Variants in EHBP1 observed in about 807,000 individuals in gnomAD.
The protein encoded by EHBP1 is EH domain-binding protein 1.
EHBP1 carries 55 observed loss-of-function variants against 144.0 expected under a neutral mutation model. That is an observed-to-expected ratio of 0.38 (90% CI 0.31 to 0.48). The LOEUF (loss-of-function observed/expected upper bound fraction) is 0.48. Ranked by LOEUF, EHBP1 falls within the 20% of genes least tolerant of loss-of-function variation. The probability of loss-of-function intolerance (pLI) is 0.98; values close to 1 mark genes in which losing one functional copy is unlikely to be tolerated. For missense variants in EHBP1, 1,200 were observed against 1,364.2 expected (o/e 0.88, Z 1.90); for synonymous variants, 469 against 472.7 (o/e 0.99, Z 0.10).
chr2:62,926,933 C>T (rs1355890662), intron 10 of EHBP1, among the ~76,000 whole-genome samples: 1 of 152,082 alleles, frequency 6.6e-6, no homozygotes, highest in Non-Finnish European at 1.5e-5. Context: ...GATATAGACT[C>T]AACCTATTTG....
Position 62,954,438 on chromosome 2 carries a change from TC to T in EHBP1, c.2317-1077del, listed in dbSNP as rs2057572687. On this transcript the variant is annotated intron_variant, in intron 13 of 22. Transcript: ENST00000431489. ...TATTAAGTTAAGAATTTTTGTTTAA[TC>T]CTCTTAAAAATCTTTGGGTGATGAA... is the stretch of plus-strand genomic sequence containing the variant. 3.3e-5 allele frequency among the ~76,000 whole-genome samples: 5 copies of T among 152,338 alleles called. No individual in the cohort carries two copies. In the South Asian group the frequency reaches 1.0e-3, roughly 32 times the overall value.
intron 10 of EHBP1, among the ~76,000 whole-genome samples, chr2:62,883,834 C>T (rs1290873132): frequency 6.6e-6 from 1 of 152,100 alleles, no homozygotes; most frequent in Non-Finnish European, 1.5e-5. Flanking sequence ...AGCTGCGCAT[C>T]ATGGCTCACG....
intron 1 of EHBP1, among the ~76,000 whole-genome samples, chr2:62,688,265 C>T (rs977773948): frequency 6.6e-6 from 1 of 152,146 alleles, no homozygotes; most frequent in African/African-American, 2.4e-5. Context: ...ATACTCTACG[C>T]TCCCCTCAGA....
chr2:62,988,331 G>A (rs1438752040), intron 15 of EHBP1, among the ~76,000 whole-genome samples: 1 of 152,012 alleles, frequency 6.6e-6, no homozygotes, highest in Non-Finnish European at 1.5e-5. Context: ...TCAATAGCTG[G>A]TTCCCTTCTC....
chr2:62,960,863 C>G (rs1418449690), intron 14 of EHBP1, among the ~76,000 whole-genome samples: 1 of 152,154 alleles, frequency 6.6e-6, no homozygotes, highest in Admixed American at 6.5e-5. Context: ...GGTACTTAAG[C>G]TTATATCATT....
intron 5 of EHBP1, among the ~76,000 whole-genome samples, chr2:62,806,210 C>G (rs1332365798): frequency 2.0e-5 from 3 of 152,136 alleles, no homozygotes; most frequent in Non-Finnish European, 4.4e-5. Flanking sequence ...TCTTGAACTC[C>G]TAGACTCAAG....
intron 10 of EHBP1, among the ~76,000 whole-genome samples, chr2:62,932,296 C>G (rs191570681): frequency 3.3e-5 from 5 of 151,844 alleles, no homozygotes; most frequent in Non-Finnish European, 5.9e-5. Flanking sequence ...GCAGTATACA[C>G]AAAATCCAAG....
chr2:62,864,739 A>T lies in EHBP1; in HGVS notation c.766A>T (p.Thr256Ser). ...CTGCTATTATTTTATAGAACCTATCACTGAAACAGCTTCACCTAGAAAAAC... is the reference window on the plus strand; with the variant it reads ...CTGCTATTATTTTATAGAACCTATCTCTGAAACAGCTTCACCTAGAAAAAC... Reference protein sequence around the residue: ...FGDPDSEEPITETASPRKTED... With the variant: ...FGDPDSEEPISETASPRKTED... Residue 256 changes from threonine to serine, a missense_variant, in exon 9 of 23, where the codon ACT becomes TCT. Transcript: ENST00000431489. The T allele has an allele frequency of 6.2e-7, 1 of 1,609,344 alleles. No individual in the cohort carries two copies. Among genetic ancestry groups the T allele is most frequent in the African/African-American group, 1.3e-5 (1 of 74,704 alleles).
chr2:62,925,198 T>C (rs1386556669), intron 10 of EHBP1, among the ~76,000 whole-genome samples: 1 of 152,090 alleles, frequency 6.6e-6, no homozygotes, highest in Non-Finnish European at 1.5e-5. Context: ...GTATAGAAGG[T>C]TAATACCTAA....
intron 5 of EHBP1, among the ~76,000 whole-genome samples, 179 bp from the exon 6 acceptor site, chr2:62,825,908 T>C (rs140097986): frequency 7.2e-5 from 11 of 152,120 alleles, no homozygotes; most frequent in Non-Finnish European, 1.5e-4. Context: ...GCCTTACTTA[T>C]AAATGTAACA....
intron 18 of EHBP1, among the ~76,000 whole-genome samples, chr2:62,995,089 C>G (rs963720350): frequency 6.6e-6 from 1 of 152,158 alleles, no homozygotes; most frequent in Non-Finnish European, 1.5e-5. Flanking sequence ...AATAAAATAT[C>G]CCTTTTGAAA....
chr2:62,910,214 G>C (rs2054109308), intron 10 of EHBP1, among the ~76,000 whole-genome samples: 1 of 152,180 alleles, frequency 6.6e-6, no homozygotes, highest in Non-Finnish European at 1.5e-5. Context: ...TTAAACCAAT[G>C]CGAGTTAGTG....
chr2:62,904,786 T>C (rs1326118877), intron 10 of EHBP1, among the ~76,000 whole-genome samples: 1 of 152,196 alleles, frequency 6.6e-6, no homozygotes, highest in Admixed American at 6.5e-5. Flanking sequence ...TTTTTGTTTT[T>C]TCTTTTTTTG....
At position 62,923,476 on chromosome 2, in the gene EHBP1, C is replaced by T. The variant is rs77095766; in HGVS notation, c.1186-19242C>T. On this transcript the variant is annotated intron_variant, in intron 10 of 22. Coordinates refer to ENST00000431489, the MANE Select transcript of EHBP1 (RefSeq NM_001142616.3). ...CACCCTCTACAGAAAAGTCCCTGAC[C>T]TGCCAATTGGCCCCATGCCCACAGC... 1.4e-3 allele frequency among the ~76,000 whole-genome samples: 209 copies of T among 152,312 alleles called. 7 individuals are homozygous for T. The East Asian group carries it at 0.033, about 24-fold the overall frequency.
rs576503281 is a variant in EHBP1 at position 62,743,457 on chromosome 2, C to A, written c.105-3938C>A. Among the ~76,000 whole-genome samples, 5 of 152,160 alleles carry A rather than the reference C, an allele frequency of 3.3e-5. No individual in the cohort carries two copies. In the East Asian group the frequency reaches 9.6e-4, roughly 29 times the overall value. On this transcript the variant is annotated intron_variant, in intron 2 of 22. Coordinates refer to ENST00000431489, the MANE Select transcript of EHBP1 (RefSeq NM_001142616.3). ...TAGTTGGTTTAATGGTCTGTCTCCC[C>A]ACTAGATTGTGAACTTCCAGTGGAT...
At chr2:62,882,399 A>T (rs1418783515) in intron 10 of EHBP1, among the ~76,000 whole-genome samples, 1 of 152,224 alleles carries the variant, frequency 6.6e-6, no homozygotes, top group Non-Finnish European at 1.5e-5. Flanking sequence ...GAGTAAAAAT[A>T]AACAGTGACT....
chr2:62,704,804 C>T (rs2034401658), upstream of EHBP1, among the ~76,000 whole-genome samples: 1 of 152,134 alleles, frequency 6.6e-6, no homozygotes, highest in Non-Finnish European at 1.5e-5. Context: ...GAGAAAGTAT[C>T]TGTAGCTTTC....
chr2:62,773,286 T>C (rs571596510), intron 5 of EHBP1, among the ~76,000 whole-genome samples: 5 of 152,294 alleles, frequency 3.3e-5, no homozygotes, highest in African/African-American at 1.2e-4. Context: ...TATAGTGAGA[T>C]TTGAGAATAA....
chr2:62,892,466 G>C (rs1386474631), intron 10 of EHBP1, among the ~76,000 whole-genome samples: 2 of 151,948 alleles, frequency 1.3e-5, no homozygotes, highest in Non-Finnish European at 2.9e-5. Flanking sequence ...TGTTTTCACA[G>C]CTTCAGTTAT....
Sources: gnomAD v4.1 joint callset for allele counts (sites outside exome capture counted in the v4.1 genomes callset) on GRCh38, gnomAD v4.1.1 for gene constraint, MANE v1.5 for transcripts, NCBI Gene and HGNC (gene_info 2026-07-23, HGNC 2026-07-21) for gene names.